Variants in STXBP4 observed in about 807,000 individuals in gnomAD.
STXBP4 encodes the protein syntaxin binding protein 4.
In STXBP4, 55 loss-of-function variants were observed where a neutral mutation model predicts 76.1. The observed-to-expected ratio is 0.72, with a 90% CI of 0.58 to 0.91. The LOEUF (loss-of-function observed/expected upper bound fraction) is 0.91. STXBP4 is among the 40% of genes least tolerant of loss of function. The pLI is 0.00. For missense variants in STXBP4, 618 were observed against 636.9 expected, an observed-to-expected ratio of 0.97 and a Z score of 0.32; for synonymous variants, 201 against 220.2, an observed-to-expected ratio of 0.91 and a Z score of 0.77.
chr17:55,031,326 CATTTTCATTAAG>C, intron 9 of STXBP4, 62 bp downstream of exon 9: 5 of 1,275,636 alleles, frequency 3.9e-6, no homozygotes, highest in Non-Finnish European at 5.6e-6. Flanking sequence ...TATGGTGACA[CATTTTCATTAAG>C]AGTGTTTGTT....
At chr17:55,057,961 G>A (rs553369077) in intron 12 of STXBP4, among the ~76,000 whole-genome samples, 123 of 152,142 alleles carry the variant, frequency 8.1e-4, no homozygotes, top group Middle Eastern at 6.8e-3. Context: ...TCATTGATGG[G>A]CATTTGGGTT....
At chr17:55,001,107 A>G (rs920757685) in intron 7 of STXBP4, among the ~76,000 whole-genome samples, 2 of 152,218 alleles carry the variant, frequency 1.3e-5, no homozygotes, top group African/African-American at 4.8e-5. Context: ...ATGCATTGTC[A>G]TAACAGTGTT....
chr17:55,148,548 C>CT (rs1235035582), intron 17 of STXBP4, among the ~76,000 whole-genome samples: 8 of 120,484 alleles, frequency 6.6e-5, no homozygotes, highest in Non-Finnish European at 1.3e-4. Flanking sequence ...TTTTTTTTTT[C>CT]TTTTTTTTGA....
intron 3 of STXBP4, among the ~76,000 whole-genome samples, chr17:54,987,628 A>C (rs2077645000): frequency 6.6e-6 from 1 of 152,230 alleles, no homozygotes; most frequent in Admixed American, 6.5e-5. Context: ...CAAACAATAC[A>C]TTTGCAATTT....
intron 4 of STXBP4, among the ~76,000 whole-genome samples, chr17:54,993,406 A>C (rs1280576075): frequency 6.6e-6 from 1 of 152,160 alleles, no homozygotes; most frequent in Non-Finnish European, 1.5e-5. Context: ...CCTTGGGCCC[A>C]GGAGTTCCAG....
chr17:54,996,868 A>G (rs1430726007), intron 4 of STXBP4, among the ~76,000 whole-genome samples: 1 of 152,254 alleles, frequency 6.6e-6, no homozygotes, highest in Non-Finnish European at 1.5e-5. Flanking sequence ...AAAACTATAT[A>G]CCAAAGTCAA....
At chr17:55,155,724 A>C (rs1598355751) in intron 17 of STXBP4, among the ~76,000 whole-genome samples, 1 of 152,250 alleles carries the variant, frequency 6.6e-6, no homozygotes, top group African/African-American at 2.4e-5. Flanking sequence ...TTGTCATTAA[A>C]TCCTTTTTGT....
At position 55,072,936 on chromosome 17, in the gene STXBP4, C is replaced by A; in HGVS notation, c.1048C>A (p.Arg350Ser). Residue 350 changes from arginine to serine, a missense_variant, in exon 13 of 18, where the codon CGT (arginine) becomes AGT (serine). Physicochemically the swap from Arg to Ser is moderately radical, Grantham distance 110. Coordinates refer to ENST00000376352, the MANE Select transcript of STXBP4 (RefSeq NM_178509.6). ...KAVVEETRAL[R>S]SRIHLAEAAQ... ...TGTAGTTGAAGAAACAAGAGCCCTG[C>A]GTAGTCGGATTCATCTTGCTGAAGC... is the stretch of plus-strand genomic sequence containing the variant. The A allele has an allele frequency of 6.2e-7, 1 of 1,613,336 alleles. No individual in the cohort carries two copies. The highest frequency in any genetic ancestry group is 1.3e-5 in the African/African-American group (1 of 74,976).
chr17:55,091,342 C>T (rs970496700), intron 16 of STXBP4, among the ~76,000 whole-genome samples: 1 of 152,074 alleles, frequency 6.6e-6, no homozygotes, highest in Non-Finnish European at 1.5e-5. Context: ...ACTCAATAAT[C>T]CCACCTGTTA....
At chr17:54,996,932 A>C (rs1375390282) in intron 4 of STXBP4, among the ~76,000 whole-genome samples, 1 of 152,234 alleles carries the variant, frequency 6.6e-6, no homozygotes. Flanking sequence ...TGTGGTCAGG[A>C]ATATATTATT....
At chr17:55,022,841 A>G (rs2078339440) in intron 8 of STXBP4, among the ~76,000 whole-genome samples, 1 of 152,204 alleles carries the variant, frequency 6.6e-6, no homozygotes, top group Non-Finnish European at 1.5e-5. Flanking sequence ...TAACGACGTA[A>G]GTCAGGGAGA....
chr17:55,147,455 A>G (rs1332032260), intron 17 of STXBP4, among the ~76,000 whole-genome samples: 1 of 152,214 alleles, frequency 6.6e-6, no homozygotes, highest in Admixed American at 6.5e-5. Context: ...GTCATGTACC[A>G]CTACGAGTCC....
At chr17:55,026,365 AG>A (rs1287668214) in intron 8 of STXBP4, among the ~76,000 whole-genome samples, 1 of 152,208 alleles carries the variant, frequency 6.6e-6, no homozygotes, top group Non-Finnish European at 1.5e-5. Flanking sequence ...ATGGTAGATT[AG>A]AGCGGTATTA....
chr17:55,186,576 G>A, the STXBP4 span, among the ~76,000 whole-genome samples: 2 of 152,130 alleles, frequency 1.3e-5, no homozygotes, highest in Non-Finnish European at 2.9e-5. Context: ...TCAATCAAAG[G>A]AACATGGAAG....
At chr17:55,071,216 C>A (rs1360565864) in intron 12 of STXBP4, among the ~76,000 whole-genome samples, 1 of 152,136 alleles carries the variant, frequency 6.6e-6, no homozygotes, top group Non-Finnish European at 1.5e-5. Flanking sequence ...GCCCAAAACC[C>A]TCCAATCATT....
chr17:55,037,072 C>G (rs1409422338), intron 10 of STXBP4, among the ~76,000 whole-genome samples: 1 of 152,060 alleles, frequency 6.6e-6, no homozygotes, highest in African/African-American at 2.4e-5. Flanking sequence ...TCTGGTTGTT[C>G]TGTAACCCTC....
chr17:55,054,455 C>T (rs1233983465), intron 12 of STXBP4, among the ~76,000 whole-genome samples: 4 of 152,156 alleles, frequency 2.6e-5, no homozygotes, highest in Admixed American at 6.5e-5. Flanking sequence ...CACTGCACTC[C>T]AGCCTGGGTA....
In STXBP4 at chr17:55,127,833, C is replaced by T. The variant is rs550898476; in HGVS notation, c.1490-13477C>T. 2.6e-5 allele frequency among the ~76,000 whole-genome samples: 4 copies of T among 152,160 alleles called. No individual in the cohort carries two copies. The South Asian group carries it at 6.2e-4, about 24-fold the overall frequency. On this transcript the variant is annotated intron_variant, in intron 16 of 17. Coordinates refer to ENST00000376352, the MANE Select transcript of STXBP4 (RefSeq NM_178509.6). ...GATTGTTAACAGATTTTCAGATAAA[C>T]TTTTTTTAATTTAAAGGACAAAGAT...
At chr17:55,043,358 T>G in intron 11 of STXBP4, 33 bp downstream of exon 11, 2 of 1,287,274 alleles carry the variant, frequency 1.6e-6, no homozygotes, top group Non-Finnish European at 2.1e-6. Flanking sequence ...TATGTTTTCT[T>G]CAGAAAAAAA....
Sources: allele counts gnomAD v4.1 joint callset (sites outside exome capture counted in the v4.1 genomes callset), GRCh38; gene constraint gnomAD v4.1.1; transcripts MANE v1.5; gene names NCBI Gene and HGNC (gene_info 2026-07-23, HGNC 2026-07-21).